The following NCAM2 variants were observed in gnomAD, a reference collection of about 807,000 sequenced individuals.
The protein encoded by NCAM2 is neural cell adhesion molecule 2, also known as N-CAM-2.
NCAM2 carries 30 observed loss-of-function variants against 98.1 expected under a neutral mutation model. The ratio of observed to expected loss-of-function variants is 0.31; its 90% CI spans 0.23 to 0.41. The LOEUF (loss-of-function observed/expected upper bound fraction) is 0.41, where lower values mean the gene tolerates loss of function less well. Ranked by LOEUF, NCAM2 falls within the 10% of genes least tolerant of loss-of-function variation. The pLI is 1.00. For synonymous variants in NCAM2, 368 were observed against 342.4 expected (o/e 1.07, Z -0.83); for missense variants, 867 against 1,005.8 (o/e 0.86, Z 1.87).
intron 1 of NCAM2, among the ~76,000 whole-genome samples, chr21:21,080,149 CG>C (rs1182937685): frequency 1.1e-4 from 16 of 152,036 alleles, no homozygotes; most frequent in African/African-American, 3.9e-4. Flanking sequence ...TGTTGATTGC[CG>C]TAATAGTAAT....
chr21:21,511,557 A>G (rs995838876), intron 16 of NCAM2, among the ~76,000 whole-genome samples: 2 of 151,938 alleles, frequency 1.3e-5, no homozygotes, highest in Admixed American at 6.6e-5. Flanking sequence ...TGCAATAAAC[A>G]TGGGAGTACA....
At chr21:21,270,450 T>A (rs866415678) in intron 1 of NCAM2, among the ~76,000 whole-genome samples, 2 of 152,166 alleles carry the variant, frequency 1.3e-5, no homozygotes, top group East Asian at 3.9e-4. Flanking sequence ...GGATTTACTT[T>A]AAAACAAAAA....
chr21:21,265,472 T>G (rs962861087), intron 1 of NCAM2, among the ~76,000 whole-genome samples: 1 of 142,086 alleles, frequency 7.0e-6, no homozygotes, highest in African/African-American at 2.6e-5. Context: ...TATGTGTGTA[T>G]ATATATTATA....
chr21:21,456,115 A>G (rs1982107487), intron 12 of NCAM2, among the ~76,000 whole-genome samples: 1 of 152,166 alleles, frequency 6.6e-6, no homozygotes, highest in African/African-American at 2.4e-5. Flanking sequence ...TATGTTCCAT[A>G]GTAGAGAATA....
chr21:21,508,385 A>G (rs374638865), intron 15 of NCAM2, among the ~76,000 whole-genome samples: 1 of 152,134 alleles, frequency 6.6e-6, no homozygotes, highest in Admixed American at 6.6e-5. Context: ...AAGTTTTAAA[A>G]CTAACATAAT....
At chr21:21,361,396 G>T (rs232494) in intron 8 of NCAM2, among the ~76,000 whole-genome samples, 54,414 of 151,820 alleles carry the variant, frequency 0.36, 9,952 homozygotes, top group East Asian at 0.58. Context: ...CCTAATGGTT[G>T]ACCTAGTTAA....
intron 10 of NCAM2, among the ~76,000 whole-genome samples, chr21:21,413,067 C>G (rs544991196): frequency 6.6e-6 from 1 of 151,806 alleles, no homozygotes; most frequent in Non-Finnish European, 1.5e-5. Flanking sequence ...AAAACATAAC[C>G]AAATATTCAA....
chr21:21,114,400 A>T (rs1181145563), intron 1 of NCAM2, among the ~76,000 whole-genome samples: 1 of 152,240 alleles, frequency 6.6e-6, no homozygotes, highest in East Asian at 1.9e-4. Flanking sequence ...TATCATTTGT[A>T]AATTGCAGTT....
chr21:21,467,428 T>TATATATATATATCTTTATATATA (rs1555902035), intron 13 of NCAM2, among the ~76,000 whole-genome samples: 3 of 140,734 alleles, frequency 2.1e-5, no homozygotes, highest in Admixed American at 7.1e-5. Flanking sequence ...ATATATCTTT[T>TATATATATATATCTTTATATATA]TATATATATA....
intron 1 of NCAM2, among the ~76,000 whole-genome samples, chr21:21,169,872 C>T (rs532024113): frequency 1.1e-4 from 16 of 152,130 alleles, no homozygotes; most frequent in South Asian, 2.1e-4. Flanking sequence ...GTGGGAGGAT[C>T]GCTTGACCCC....
At chr21:21,499,340 C>T (rs938659981) in intron 15 of NCAM2, among the ~76,000 whole-genome samples, 2 of 152,166 alleles carry the variant, frequency 1.3e-5, no homozygotes, top group Admixed American at 1.3e-4. Context: ...CTCCCAGGTT[C>T]AAGCGATTCT....
intron 1 of NCAM2, among the ~76,000 whole-genome samples, chr21:21,100,533 T>C (rs369919877): frequency 4.6e-5 from 7 of 152,004 alleles, no homozygotes; most frequent in African/African-American, 1.7e-4. Flanking sequence ...TAGAATAGAA[T>C]AGCTAAAAGC....
intron 1 of NCAM2, among the ~76,000 whole-genome samples, chr21:21,150,809 T>C (rs2067424911): frequency 6.6e-6 from 1 of 151,882 alleles, no homozygotes; most frequent in Non-Finnish European, 1.5e-5. Flanking sequence ...AATGATATTT[T>C]TATAAAATTA....
chr21:21,324,624 C>T, intron 6 of NCAM2, 124 bp downstream of exon 6: 1 of 705,202 alleles, frequency 1.4e-6, no homozygotes, highest in Non-Finnish European at 2.4e-6. Flanking sequence ...AAAAAAAAAT[C>T]CTGGTGCTAT....
chr21:21,479,524 C>T (rs1985593130), intron 15 of NCAM2, among the ~76,000 whole-genome samples: 1 of 136,702 alleles, frequency 7.3e-6, no homozygotes, highest in Admixed American at 8.3e-5. Context: ...GCGGAGCTTG[C>T]AGTGAGCCGA....
chr21:21,530,280 T>TAATTTAATTATATATAATTA (rs1989595210), intron 16 of NCAM2, among the ~76,000 whole-genome samples: 1 of 124,064 alleles, frequency 8.1e-6, no homozygotes, highest in Admixed American at 8.8e-5. Flanking sequence ...ATATATAATT[T>TAATTTAATTATATATAATTA]AATTTAATTA....
intron 9 of NCAM2, among the ~76,000 whole-genome samples, chr21:21,397,888 C>A (rs890509974): frequency 1.3e-5 from 2 of 152,216 alleles, no homozygotes; most frequent in African/African-American, 4.8e-5. Flanking sequence ...TGTGGAGATT[C>A]CTTAAAGAAC....
chr21:21,184,735 G>A (rs1427999382), intron 1 of NCAM2, among the ~76,000 whole-genome samples: 1 of 152,092 alleles, frequency 6.6e-6, no homozygotes, highest in Admixed American at 6.6e-5. Context: ...AATACCTAGA[G>A]TATTAATATT....
At chr21:21,259,352 C>A (rs1443290178) in intron 1 of NCAM2, among the ~76,000 whole-genome samples, 1 of 152,146 alleles carries the variant, frequency 6.6e-6, no homozygotes, top group East Asian at 1.9e-4. Context: ...AGCACAAAAA[C>A]CGTATGAACT....
Sources: allele counts gnomAD v4.1 joint callset (sites outside exome capture counted in the v4.1 genomes callset), GRCh38; gene constraint gnomAD v4.1.1; transcripts MANE v1.5; gene names NCBI Gene and HGNC (gene_info 2026-07-23, HGNC 2026-07-21).